C12orf42: variants seen among roughly 807,000 people sequenced by gnomAD.
C12orf42 encodes uncharacterized protein C12orf42.
In C12orf42, 25 loss-of-function variants were observed where a neutral mutation model predicts 21.6. The ratio of observed to expected loss-of-function variants is 1.16; its 90% CI spans 0.84 to 1.62. The LOEUF (loss-of-function observed/expected upper bound fraction) is 1.62. C12orf42 is among the 40% of genes most tolerant of loss of function. The probability of loss-of-function intolerance (pLI) is 0.00; values close to 1 mark genes in which losing one functional copy is unlikely to be tolerated. For synonymous variants in C12orf42, 174 were observed against 175.0 expected (o/e 0.99, Z 0.05); for missense variants, 483 against 459.3 (o/e 1.05, Z -0.47).
the C12orf42 span, among the ~76,000 whole-genome samples, chr12:103,520,221 G>A: frequency 6.6e-6 from 1 of 152,100 alleles, no homozygotes; most frequent in African/African-American, 2.4e-5. Context: ...GTAGTCCCAG[G>A]CGAGGACATT....
chr12:103,334,554 T>G (rs1479294551), intron 4 of C12orf42, among the ~76,000 whole-genome samples: 1 of 152,016 alleles, frequency 6.6e-6, no homozygotes, highest in African/African-American at 2.4e-5. Flanking sequence ...TGAGTACAAT[T>G]CCCCACTTGT....
intron 2 of C12orf42, among the ~76,000 whole-genome samples, chr12:103,444,530 C>T (rs1033100711): frequency 1.3e-5 from 2 of 151,928 alleles, no homozygotes; most frequent in East Asian, 1.9e-4. Flanking sequence ...TAATGTTATT[C>T]TCCATTTGTA....
chr12:103,446,052 C>T (rs1011669331), intron 2 of C12orf42, among the ~76,000 whole-genome samples: 1 of 151,922 alleles, frequency 6.6e-6, no homozygotes, highest in Non-Finnish European at 1.5e-5. Context: ...TAGCAGCTAA[C>T]TTTATACACT....
the C12orf42 span, among the ~76,000 whole-genome samples, chr12:103,124,348 G>A: frequency 6.6e-6 from 1 of 151,884 alleles, no homozygotes; most frequent in Non-Finnish European, 1.5e-5. Context: ...GGTTCTCCCT[G>A]AAGAAATGGA....
chr12:103,470,102 C>A (rs573125634), intron 2 of C12orf42, among the ~76,000 whole-genome samples: 2 of 152,148 alleles, frequency 1.3e-5, no homozygotes, highest in African/African-American at 2.4e-5. Flanking sequence ...ATTTCCCATC[C>A]CAGCGTTCCT....
intron 4 of C12orf42, among the ~76,000 whole-genome samples, chr12:103,311,616 T>C (rs115011870): frequency 0.015 from 2,250 of 152,316 alleles, 65 homozygotes; most frequent in African/African-American, 0.052. Flanking sequence ...TAGTATTCCT[T>C]ATAATTTTTC....
At chr12:103,177,731 G>T in the C12orf42 span, among the ~76,000 whole-genome samples, 1 of 152,248 alleles carries the variant, frequency 6.6e-6, no homozygotes, top group Non-Finnish European at 1.5e-5. Flanking sequence ...ATAGCAGTTT[G>T]CCTCTCCTCC....
chr12:103,258,540 AAT>A (rs893485632), intron 10 of C12orf42, among the ~76,000 whole-genome samples: 4 of 151,966 alleles, frequency 2.6e-5, no homozygotes, highest in African/African-American at 9.6e-5. Context: ...ATGTTTTAAA[AAT>A]ATATAGAGAA....
chr12:103,244,194 C>T (rs1366782694), intron 10 of C12orf42, among the ~76,000 whole-genome samples: 1 of 152,080 alleles, frequency 6.6e-6, no homozygotes, highest in Admixed American at 6.6e-5. Flanking sequence ...TTTCTAGTCC[C>T]ATAACATGCA....
At chr12:103,212,900 A>G in the C12orf42 span, among the ~76,000 whole-genome samples, 1 of 152,016 alleles carries the variant, frequency 6.6e-6, no homozygotes, top group African/African-American at 2.4e-5. Flanking sequence ...AAACTCATTG[A>G]TAACCTACTA....
chr12:103,059,239 A>T, the C12orf42 span, among the ~76,000 whole-genome samples: 1 of 152,182 alleles, frequency 6.6e-6, no homozygotes, highest in African/African-American at 2.4e-5. Flanking sequence ...GAATTGGATA[A>T]ATTCCTGGAC....
chr12:103,293,026 G>C (rs1178413514), intron 4 of C12orf42, among the ~76,000 whole-genome samples: 3 of 151,974 alleles, frequency 2.0e-5, no homozygotes, highest in Admixed American at 2.0e-4. Flanking sequence ...ATGAAAAATT[G>C]ATTCATTCTT....
chr12:103,429,433 A>G (rs1483010769), intron 2 of C12orf42, among the ~76,000 whole-genome samples: 1 of 152,222 alleles, frequency 6.6e-6, no homozygotes, highest in African/African-American at 2.4e-5. Flanking sequence ...GACCTCTTCA[A>G]GGAGAACTAC....
chr12:103,130,880 A>G, the C12orf42 span, among the ~76,000 whole-genome samples: 4 of 152,158 alleles, frequency 2.6e-5, no homozygotes, highest in Admixed American at 1.3e-4. Flanking sequence ...AGGTTGTTGC[A>G]TTGTCCCCTA....
At chr12:103,434,942 G>T (rs1390421757) in intron 2 of C12orf42, among the ~76,000 whole-genome samples, 1 of 152,232 alleles carries the variant, frequency 6.6e-6, no homozygotes, top group East Asian at 1.9e-4. Context: ...TCCACCTCGG[G>T]GGGCAGGGCA....
At position 103,338,013 on chromosome 12, in the gene C12orf42, T is replaced by C. The variant is rs576408372; in HGVS notation, c.259+30874A>G. On this transcript the variant is annotated intron_variant, in intron 4 of 5. Transcript: ENST00000548883. ...TGAACTCTTCTTTTATCTTTATAAA[T>C]GACTACACCCTTTTAGTTCTATTTA... Among the ~76,000 whole-genome samples the C allele has an allele frequency of 2.6e-4, 40 of 152,362 alleles. No homozygotes were observed. The South Asian group carries it at 8.1e-3, about 31-fold the overall frequency.
At chr12:103,127,670 C>G in the C12orf42 span, among the ~76,000 whole-genome samples, 1 of 152,136 alleles carries the variant, frequency 6.6e-6, no homozygotes, top group South Asian at 2.1e-4. Flanking sequence ...GTAATAACAG[C>G]ATCTAACAGG....
At chr12:103,172,137 A>G in the C12orf42 span, among the ~76,000 whole-genome samples, 2 of 151,966 alleles carry the variant, frequency 1.3e-5, no homozygotes, top group Admixed American at 1.3e-4. Context: ...TTTAGGCAGG[A>G]GGGAGGCTCC....
chr12:103,189,947 G>C, the C12orf42 span, among the ~76,000 whole-genome samples: 1 of 151,744 alleles, frequency 6.6e-6, no homozygotes, highest in Non-Finnish European at 1.5e-5. Context: ...TTTCCAGAGG[G>C]ACAGAACAAT....
Sources: allele counts gnomAD v4.1 joint callset (sites outside exome capture counted in the v4.1 genomes callset), GRCh38; gene constraint gnomAD v4.1.1; transcripts MANE v1.5; gene names NCBI Gene and HGNC (gene_info 2026-07-23, HGNC 2026-07-21).